Variants in TM9SF4 observed in about 807,000 individuals in gnomAD.
TM9SF4 encodes dinucleotide oxidase disulfide thiol exchanger 3 superfamily member 4.
In TM9SF4, 26 loss-of-function variants were observed where a neutral mutation model predicts 90.4. That is an observed-to-expected ratio of 0.29 (90% CI 0.21 to 0.40). The LOEUF is 0.40. Among genes scored for constraint, TM9SF4 ranks in the 10% least tolerant of loss-of-function variants. The pLI is 1.00. For synonymous variants in TM9SF4, 293 were observed against 315.4 expected (o/e 0.93, Z 0.75); for missense variants, 549 against 834.8 (o/e 0.66, Z 4.22).
intron 8 of TM9SF4, 77 bp downstream of exon 8, chr20:32,145,500 G>T: frequency 7.6e-7 from 1 of 1,308,918 alleles, no homozygotes; most frequent in Non-Finnish European, 1.1e-6. Context: ...ATGTATGGGG[G>T]ACTTCCAGGG....
intron 3 of TM9SF4, among the ~76,000 whole-genome samples, chr20:32,137,527 G>C (rs566083873): frequency 6.6e-6 from 1 of 152,140 alleles, no homozygotes; most frequent in Admixed American, 6.5e-5. Context: ...ATCTCATTCT[G>C]TCTTTGTAGT....
rs1299990298 is a variant in TM9SF4 at position 32,142,967 on chromosome 20, G to A, written c.529-15G>A. Reference sequence around the variant, plus strand: ...AGTGATGTTCTGTTGTGCTTTCTCTGTTGCTGTGTTTCAGATCTACCTGCA... The same window carrying A: ...AGTGATGTTCTGTTGTGCTTTCTCTATTGCTGTGTTTCAGATCTACCTGCA... On this transcript the variant is annotated splice_polypyrimidine_tract_variant and intron_variant, in intron 5 of 17. Coordinates refer to ENST00000398022, the MANE Select transcript of TM9SF4 (RefSeq NM_014742.4). 6.2e-7 allele frequency: 1 copy of A among 1,612,008 alleles called. No homozygotes were observed. Among genetic ancestry groups the A allele is most frequent in the Admixed American group, 1.7e-5 (1 of 59,924 alleles).
At chr20:32,148,083 C>A (rs994815842) in intron 9 of TM9SF4, among the ~76,000 whole-genome samples, 10 of 152,128 alleles carry the variant, frequency 6.6e-5, no homozygotes, top group Admixed American at 5.9e-4. Flanking sequence ...TGTACTACAG[C>A]CTGGGCAACA....
At chr20:32,148,869 A>G (rs1373754609) in intron 9 of TM9SF4, among the ~76,000 whole-genome samples, 1 of 151,838 alleles carries the variant, frequency 6.6e-6, no homozygotes, top group Non-Finnish European at 1.5e-5. Flanking sequence ...ACGGGGTTTC[A>G]CCCTGTTAGC....
At position 32,161,722 on chromosome 20, in the gene TM9SF4, T is replaced by A. The variant is rs563245239; in HGVS notation, c.1779+357T>A. Among the ~76,000 whole-genome samples, 7 of 152,116 alleles carry A rather than the reference T, an allele frequency of 4.6e-5. No individual in the cohort carries two copies. In the South Asian group the frequency reaches 1.5e-3, roughly 32 times the overall value. ...TAACACCTTGAGAAAAAGGAAAAGA[T>A]AAGAGTAACATGAAAGAAGAAAAGT... On this transcript the variant is annotated intron_variant, in intron 17 of 17. Transcript: ENST00000398022.
intron 17 of TM9SF4, among the ~76,000 whole-genome samples, chr20:32,163,268 A>AAAAAAATATAT (rs1555886757): frequency 1.7e-4 from 13 of 74,486 alleles, no homozygotes; most frequent in African/African-American, 7.7e-4. Context: ...AAAAAAAAAA[A>AAAAAAATATAT]ATATATATAT....
At chr20:32,116,804 T>C (rs1488705218) in intron 1 of TM9SF4, among the ~76,000 whole-genome samples, 1 of 151,542 alleles carries the variant, frequency 6.6e-6, no homozygotes, top group African/African-American at 2.4e-5. Flanking sequence ...AGTTAACTGT[T>C]GGCAAACTGT....
At chr20:32,157,664 G>A in intron 13 of TM9SF4, 130 bp from the exon 14 acceptor site, 1 of 1,202,812 alleles carries the variant, frequency 8.3e-7, no homozygotes, top group Non-Finnish European at 1.2e-6. Context: ...CTGTGGTGGG[G>A]GCAGGGAGTG....
intron 1 of TM9SF4, among the ~76,000 whole-genome samples, chr20:32,129,452 C>A (rs1039963811): frequency 6.6e-6 from 1 of 152,084 alleles, no homozygotes; most frequent in Non-Finnish European, 1.5e-5. Flanking sequence ...GTGATTGCAC[C>A]ACTGCACTCC....
chr20:32,110,855 C>T (rs527777910), intron 1 of TM9SF4, among the ~76,000 whole-genome samples: 2 of 152,286 alleles, frequency 1.3e-5, no homozygotes, highest in African/African-American at 4.8e-5. Flanking sequence ...TTCTGCTTGT[C>T]AAGAGACCAG....
intron 12 of TM9SF4, among the ~76,000 whole-genome samples, chr20:32,153,182 G>A (rs1448426450): frequency 6.6e-6 from 1 of 152,172 alleles, no homozygotes; most frequent in Non-Finnish European, 1.5e-5. Flanking sequence ...CTCCAATGAA[G>A]ATAGCTAGGG....
chr20:32,139,649 C>T (rs913459451), intron 3 of TM9SF4, among the ~76,000 whole-genome samples: 26 of 152,246 alleles, frequency 1.7e-4, no homozygotes, highest in African/African-American at 6.3e-4. Context: ...CAGATAACGT[C>T]TTTCTCTACC....
intron 6 of TM9SF4, among the ~76,000 whole-genome samples, chr20:32,144,596 G>A (rs554873521): frequency 6.6e-6 from 1 of 152,244 alleles, no homozygotes; most frequent in South Asian, 2.1e-4. Flanking sequence ...GAAAGTCAGG[G>A]CTCTGAGGAA....
At chr20:32,163,895 G>A (rs1341442814) in intron 17 of TM9SF4, among the ~76,000 whole-genome samples, 4 of 152,098 alleles carry the variant, frequency 2.6e-5, no homozygotes, top group African/African-American at 9.7e-5. Context: ...ACAGGCGTGA[G>A]CCACCGCACC....
At chr20:32,133,316 T>C (rs1162500952) in intron 2 of TM9SF4, among the ~76,000 whole-genome samples, 190 bp downstream of exon 2, 1 of 152,156 alleles carries the variant, frequency 6.6e-6, no homozygotes, top group Non-Finnish European at 1.5e-5. Flanking sequence ...TCTTTCTGTG[T>C]CTCTGTCCCT....
At position 32,150,834 on chromosome 20, in the gene TM9SF4, C is replaced by T. The variant is rs766854113; in HGVS notation, c.1204C>T (p.Arg402Cys). The change falls in exon 12 of 18, where the codon CGC becomes TGC. Residue 402 changes from arginine (R) to cysteine (C), a missense_variant. Transcript: ENST00000398022. The stretch of plus-strand genomic sequence containing the variant: ...CGGATTTTCTGCTGGCCGTCTGTAC[C>T]GCACTTTAAAAGGCCATCGGTGGAA... Reference protein sequence around the residue: ...FGGFSAGRLYRTLKGHRWKKG... With the variant: ...FGGFSAGRLYCTLKGHRWKKG... 7 of 1,614,214 alleles carry T rather than the reference C, an allele frequency of 4.3e-6. No homozygotes were observed. Among genetic ancestry groups the T allele is most frequent in the East Asian group, 2.2e-5 (1 of 44,870 alleles).
chr20:32,130,617 A>G (rs2046496263), intron 1 of TM9SF4, among the ~76,000 whole-genome samples: 1 of 152,224 alleles, frequency 6.6e-6, no homozygotes, highest in African/African-American at 2.4e-5. Context: ...CCCAGCCTGC[A>G]GTTGGTAGGC....
At chr20:32,154,548 G>T (rs2046890139) in intron 12 of TM9SF4, among the ~76,000 whole-genome samples, 1 of 152,278 alleles carries the variant, frequency 6.6e-6, no homozygotes, top group East Asian at 1.9e-4. Context: ...TTGCCTCCCG[G>T]GTTCAAGCAA....
chr20:32,121,120 C>T (rs950380077), intron 1 of TM9SF4, among the ~76,000 whole-genome samples: 37 of 151,186 alleles, frequency 2.4e-4, no homozygotes, highest in Non-Finnish European at 1.6e-4. Context: ...GGCTTTGGCA[C>T]GTGGTTTTTA....
Sources: gnomAD v4.1 joint callset for allele counts (sites outside exome capture counted in the v4.1 genomes callset) on GRCh38, gnomAD v4.1.1 for gene constraint, MANE v1.5 for transcripts, NCBI Gene and HGNC (gene_info 2026-07-23, HGNC 2026-07-21) for gene names.